BCHE: variants seen among roughly 807,000 people sequenced by gnomAD.
The protein encoded by BCHE is butyrylcholinesterase.
In BCHE, 48 loss-of-function variants were observed where a neutral mutation model predicts 51.3. That is an observed-to-expected ratio of 0.94 (90% CI 0.74 to 1.19). BCHE has a LOEUF of 1.19. Among genes scored for constraint, BCHE ranks in the 50% most tolerant of loss-of-function variants. BCHE has a pLI of 0.00. For synonymous variants in BCHE, 251 were observed against 238.0 expected (o/e 1.05, Z -0.50); for missense variants, 847 against 708.2 (o/e 1.20, Z -2.23).
chr3:165,820,167 T>G (rs1193352771), intron 2 of BCHE, among the ~76,000 whole-genome samples: 1 of 148,936 alleles, frequency 6.7e-6, no homozygotes, highest in Non-Finnish European at 1.5e-5. Context: ...CAAACATATC[T>G]CAGTTTTATA....
At position 165,829,515 on chromosome 3, in the gene BCHE, A is replaced by G. The variant is rs1201115392; in HGVS notation, c.1517+2T>C. On this transcript the variant is annotated splice_donor_variant, in intron 2 of 3. Coordinates refer to ENST00000264381, the MANE Select transcript of BCHE (RefSeq NM_000055.4). LOFTEE classifies it high-confidence loss of function. ...AGAACAATGACAAAAATCAGCACTT[A>G]CCCATATTTTGCAAAATTTGCCCAC... 6.2e-7 allele frequency: 1 copy of G among 1,610,336 alleles called. No homozygotes were observed. Among genetic ancestry groups the G allele is most frequent in the South Asian group, 1.1e-5 (1 of 90,996 alleles).
At chr3:165,789,959 A>T (rs1277419429) in intron 2 of BCHE, among the ~76,000 whole-genome samples, 2 of 152,184 alleles carry the variant, frequency 1.3e-5, no homozygotes, top group East Asian at 3.8e-4. Flanking sequence ...AATAAATAAG[A>T]TCAATAAAGA....
intron 3 of BCHE, among the ~76,000 whole-genome samples, chr3:165,777,454 T>A (rs1712514260): frequency 6.6e-6 from 1 of 151,984 alleles, no homozygotes. Context: ...AATCTATGTT[T>A]ACAAAATAAA....
chr3:165,798,125 T>A (rs762774345), intron 2 of BCHE, among the ~76,000 whole-genome samples: 5 of 152,226 alleles, frequency 3.3e-5, no homozygotes, highest in African/African-American at 7.2e-5. Context: ...CAGTGTCTGA[T>A]AAAAGGCTGT....
At chr3:165,835,531 T>C (rs900792979) in intron 1 of BCHE, among the ~76,000 whole-genome samples, 1 of 151,822 alleles carries the variant, frequency 6.6e-6, no homozygotes, top group African/African-American at 2.4e-5. Flanking sequence ...AATATTAATA[T>C]GATCTAGAAC....
At chr3:165,814,388 T>C (rs530466659) in intron 2 of BCHE, among the ~76,000 whole-genome samples, 38 of 152,164 alleles carry the variant, frequency 2.5e-4, no homozygotes, top group Non-Finnish European at 5.4e-4. Context: ...TGCAAATACA[T>C]AGTTATAGCT....
intron 3 of BCHE, among the ~76,000 whole-genome samples, chr3:165,779,292 T>G (rs1192007205): frequency 6.6e-6 from 1 of 152,048 alleles, no homozygotes; most frequent in Non-Finnish European, 1.5e-5. Flanking sequence ...TAAGAGCTAT[T>G]TATGACAAAC....
intron 2 of BCHE, among the ~76,000 whole-genome samples, chr3:165,812,795 G>A (rs1325541315): frequency 1.3e-5 from 2 of 151,798 alleles, no homozygotes; most frequent in African/African-American, 2.4e-5. Flanking sequence ...TACTCTAATC[G>A]TGTGTGAGTA....
At chr3:165,795,915 A>G (rs1045218327) in intron 2 of BCHE, among the ~76,000 whole-genome samples, 1 of 152,086 alleles carries the variant, frequency 6.6e-6, no homozygotes. Context: ...ATAGGTTTTT[A>G]TGAGAAAAAA....
intron 2 of BCHE, among the ~76,000 whole-genome samples, chr3:165,805,797 A>C (rs1174876218): frequency 6.6e-6 from 1 of 152,168 alleles, no homozygotes; most frequent in East Asian, 1.9e-4. Context: ...TCAGTCCGAC[A>C]TACGTTCTTA....
At position 165,818,504 on chromosome 3, in the gene BCHE, G is replaced by A. The variant is rs1178368608; in HGVS notation, c.1517+11013C>T. ...AAAAATTAAAAAATTAAAGACAAAT[G>A]TTAGTTGTGTGACCTAAACTTTCCA... On this transcript the variant is annotated intron_variant, in intron 2 of 3. Transcript: ENST00000264381. Among the ~76,000 whole-genome samples, 3 of 152,076 alleles carry A rather than the reference G, an allele frequency of 2.0e-5. No homozygotes were observed. The East Asian group carries it at 5.8e-4, about 29-fold the overall frequency.
In BCHE at chr3:165,815,379, A is replaced by G. The variant is rs201802988; in HGVS notation, c.1517+14138T>C. ...GATCTGGGTTCCTCCATCACACCAC[A>G]AAGTTCAATTTGGAGTTCCGGTTTT... On this transcript the variant is annotated intron_variant, in intron 2 of 3. Transcript: ENST00000264381. 3.0e-4 allele frequency among the ~76,000 whole-genome samples: 46 copies of G among 152,188 alleles called. 1 individual carries two copies. The highest frequency in any genetic ancestry group is 2.9e-3 in the East Asian group (15 of 5,170).
At chr3:165,798,668 A>C (rs890180077) in intron 2 of BCHE, among the ~76,000 whole-genome samples, 33 of 152,256 alleles carry the variant, frequency 2.2e-4, no homozygotes, top group African/African-American at 7.5e-4. Context: ...CATTAAAAAA[A>C]TTGATATTAC....
intron 2 of BCHE, among the ~76,000 whole-genome samples, chr3:165,799,340 A>T (rs2108212811): frequency 6.6e-6 from 1 of 152,266 alleles, no homozygotes; most frequent in South Asian, 2.1e-4. Flanking sequence ...CCTGCCTAGC[A>T]GTGAATTTAG....
intron 2 of BCHE, among the ~76,000 whole-genome samples, chr3:165,823,573 C>A (rs956900448): frequency 2.0e-5 from 3 of 151,994 alleles, no homozygotes; most frequent in Admixed American, 6.6e-5. Context: ...ACTACTGAAT[C>A]AAGAAGGAAT....
At chr3:165,793,444 A>G (rs911409657) in intron 2 of BCHE, among the ~76,000 whole-genome samples, 1 of 151,964 alleles carries the variant, frequency 6.6e-6, no homozygotes, top group Admixed American at 6.6e-5. Flanking sequence ...TTCTCATGAG[A>G]GGGTAAGTCT....
At chr3:165,788,452 G>C (rs1056046321) in intron 2 of BCHE, among the ~76,000 whole-genome samples, 1 of 151,992 alleles carries the variant, frequency 6.6e-6, no homozygotes, top group Non-Finnish European at 1.5e-5. Context: ...ATTTGAGAGA[G>C]GTCAAGGAGA....
At chr3:165,788,118 GT>G (rs1553774389) in intron 2 of BCHE, among the ~76,000 whole-genome samples, 1 of 550 alleles carries the variant, frequency 1.8e-3, no homozygotes, top group African/African-American at 9.8e-3. Flanking sequence ...ATCTAAGTTT[GT>G]TTTGTTTTGT....
chr3:165,836,785 T>G (rs945891649), intron 1 of BCHE, among the ~76,000 whole-genome samples: 1 of 152,120 alleles, frequency 6.6e-6, no homozygotes, highest in African/African-American at 2.4e-5. Flanking sequence ...TTTATTTACA[T>G]AAAATAAACA....
Sources: allele counts gnomAD v4.1 joint callset (sites outside exome capture counted in the v4.1 genomes callset), GRCh38; gene constraint gnomAD v4.1.1; transcripts MANE v1.5; gene names NCBI Gene and HGNC (gene_info 2026-07-23, HGNC 2026-07-21).